Variants in ARHGAP22 observed in about 807,000 individuals in gnomAD.
ARHGAP22 encodes rho GTPase-activating protein 22.
A neutral mutation model predicts 59.1 loss-of-function variants in ARHGAP22; 48 were observed. The observed-to-expected ratio is 0.81, with a 90% CI of 0.64 to 1.03. ARHGAP22 has a LOEUF of 1.03. Ranked by LOEUF, ARHGAP22 falls within the 50% of genes least tolerant of loss-of-function variation. The probability of loss-of-function intolerance (pLI) is 0.00; values close to 1 mark genes in which losing one functional copy is unlikely to be tolerated. For missense variants in ARHGAP22, 1,015 were observed against 958.7 expected (o/e 1.06, Z -0.78); for synonymous variants, 445 against 416.4 (o/e 1.07, Z -0.84).
the ARHGAP22 span, chr10:48,431,311 T>A: frequency 7.3e-7 from 1 of 1,367,770 alleles, no homozygotes; most frequent in Non-Finnish European, 1.0e-6. Context: ...ACAGTTTACT[T>A]CTTGTGTTGT....
At chr10:48,545,840 C>T (rs1397548012) in intron 3 of ARHGAP22, among the ~76,000 whole-genome samples, 4 of 152,222 alleles carry the variant, frequency 2.6e-5, no homozygotes, top group Non-Finnish European at 5.9e-5. Context: ...CGGGCAGGAA[C>T]TGGCTCCCTC....
intron 4 of ARHGAP22, among the ~76,000 whole-genome samples, chr10:48,468,683 A>AT (rs772912406): frequency 2.6e-5 from 4 of 152,182 alleles, no homozygotes; most frequent in Non-Finnish European, 4.4e-5. Context: ...TTTAGTATTC[A>AT]TGTTCATTTT....
At chr10:48,590,765 G>A (rs191047542) in intron 1 of ARHGAP22, among the ~76,000 whole-genome samples, 107 of 152,098 alleles carry the variant, frequency 7.0e-4, no homozygotes, top group Middle Eastern at 3.4e-3. Context: ...TGGCCTGGCC[G>A]TCCTGGGGAC....
intron 3 of ARHGAP22, among the ~76,000 whole-genome samples, chr10:48,519,425 T>C (rs117814346): frequency 0.04 from 6,129 of 152,324 alleles, 176 homozygotes; most frequent in Non-Finnish European, 0.058. Flanking sequence ...GCTCATCTAT[T>C]ACAATGCAGT....
chr10:48,444,102 T>G (rs1397547518), downstream of ARHGAP22: 2 of 152,224 alleles, frequency 1.3e-5, no homozygotes, highest in South Asian at 4.1e-4. Flanking sequence ...TTTGACAATA[T>G]TTTTTAGCAA....
At chr10:48,609,404 C>A (rs766372562), upstream of ARHGAP22, among the ~76,000 whole-genome samples, 2 of 152,220 alleles carry the variant, frequency 1.3e-5, no homozygotes, top group African/African-American at 2.4e-5. Flanking sequence ...CCCTTCTAAG[C>A]TCATTTCCCT....
At chr10:48,470,498 C>T (rs760749424) in intron 4 of ARHGAP22, among the ~76,000 whole-genome samples, 1 of 152,150 alleles carries the variant, frequency 6.6e-6, no homozygotes, top group Non-Finnish European at 1.5e-5. Flanking sequence ...AAGCCTTGAG[C>T]GCTGCAGGGG....
At chr10:48,553,498 T>C (rs2135294011) in intron 3 of ARHGAP22, among the ~76,000 whole-genome samples, 1 of 152,326 alleles carries the variant, frequency 6.6e-6, no homozygotes, top group Admixed American at 6.5e-5. Flanking sequence ...GCCCAGAATG[T>C]CTGGGCTGAA....
Position 48,479,691 on chromosome 10 carries a change from G to A in ARHGAP22, c.396C>T (p.Asp132=), listed in dbSNP as rs2049096871. The change falls in exon 4 of 10, where the codon GAC becomes GAT. Residue 132 remains aspartate (D), a synonymous_variant. Transcript: ENST00000249601. The part of the protein sequence containing the change: ...ALLLMASSQR[D]MEDWVQAIRR... ...GGATGGCCTGCACCCAGTCCTCCAT[G>A]TCACGCTGGGAGCTGGCCATGAGCA... is the stretch of plus-strand genomic sequence containing the variant. 3.1e-6 allele frequency: 5 copies of A among 1,611,824 alleles called. No homozygotes were observed. Among genetic ancestry groups the A allele is most frequent in the Admixed American group, 1.7e-5 (1 of 59,848 alleles).
intron 1 of ARHGAP22, among the ~76,000 whole-genome samples, chr10:48,612,991 C>T (rs937559367): frequency 2.0e-5 from 3 of 152,206 alleles, no homozygotes; most frequent in African/African-American, 7.2e-5. Flanking sequence ...AATCTCAGCT[C>T]ACCAGAAGGT....
At chr10:48,506,879 G>A (rs1315462203) in intron 3 of ARHGAP22, among the ~76,000 whole-genome samples, 1 of 152,146 alleles carries the variant, frequency 6.6e-6, no homozygotes, top group Non-Finnish European at 1.5e-5. Context: ...AACTGCTCAA[G>A]CAAGAAGGCC....
At chr10:48,518,918 G>T (rs907834144) in intron 3 of ARHGAP22, among the ~76,000 whole-genome samples, 7 of 152,334 alleles carry the variant, frequency 4.6e-5, no homozygotes, top group African/African-American at 1.4e-4. Flanking sequence ...ATGAAATTGA[G>T]AATTCAGTTT....
At chr10:48,433,415 C>T in the ARHGAP22 span, among the ~76,000 whole-genome samples, 2 of 152,108 alleles carry the variant, frequency 1.3e-5, no homozygotes, top group Non-Finnish European at 2.9e-5. Context: ...CACAGATATA[C>T]CATACTGTTC....
chr10:48,474,613 C>A (rs4838407), intron 4 of ARHGAP22, among the ~76,000 whole-genome samples: 103 of 151,556 alleles, frequency 6.8e-4, no homozygotes, highest in Middle Eastern at 3.4e-3. Context: ...CCTTCTATTC[C>A]TAGGGATAGA....
At chr10:48,487,055 G>A (rs1345969418) in intron 3 of ARHGAP22, among the ~76,000 whole-genome samples, 1 of 152,044 alleles carries the variant, frequency 6.6e-6, no homozygotes, top group African/African-American at 2.4e-5. Context: ...CCTATACTTG[G>A]AACTCACTGA....
chr10:48,593,959 T>C (rs2059917891), intron 1 of ARHGAP22, among the ~76,000 whole-genome samples: 1 of 152,240 alleles, frequency 6.6e-6, no homozygotes, highest in South Asian at 2.1e-4. Context: ...ATTGTACATT[T>C]CATGAAGGGA....
chr10:48,448,468 C>A (rs1336577258), intron 9 of ARHGAP22, among the ~76,000 whole-genome samples: 2 of 152,214 alleles, frequency 1.3e-5, no homozygotes, highest in Non-Finnish European at 2.9e-5. Context: ...GCCACCTGCA[C>A]AGCATCTGGT....
chr10:48,624,560 C>T (rs968568786), intron 1 of ARHGAP22: 2 of 152,248 alleles, frequency 1.3e-5, no homozygotes, highest in African/African-American at 4.8e-5. Context: ...TAAGCTCCAT[C>T]CCAATGTTTT....
At chr10:48,620,393 G>A (rs1048726678) in intron 1 of ARHGAP22, among the ~76,000 whole-genome samples, 1 of 152,124 alleles carries the variant, frequency 6.6e-6, no homozygotes, top group Admixed American at 6.5e-5. Flanking sequence ...GAGATGTTAA[G>A]GGACTTTCTC....
Sources: allele counts gnomAD v4.1 joint callset (sites outside exome capture counted in the v4.1 genomes callset), GRCh38; gene constraint gnomAD v4.1.1; transcripts MANE v1.5; gene names NCBI Gene and HGNC (gene_info 2026-07-23, HGNC 2026-07-21).